INO80D: variants seen among roughly 807,000 people sequenced by gnomAD.
INO80D encodes INO80 complex subunit D.
INO80D carries 21 observed loss-of-function variants against 87.6 expected under a neutral mutation model. The observed-to-expected ratio is 0.24, with a 90% CI of 0.17 to 0.35. The LOEUF (loss-of-function observed/expected upper bound fraction) is 0.35. Ranked by LOEUF, INO80D falls within the 10% of genes least tolerant of loss-of-function variation. The pLI, the probability that INO80D is intolerant of heterozygous loss-of-function variation, is 1.00. For synonymous variants in INO80D, 440 were observed against 491.0 expected (o/e 0.90, Z 1.37); for missense variants, 982 against 1,280.7 (o/e 0.77, Z 3.56).
chr2:206,020,872 G>A (rs1179496556), intron 6 of INO80D, among the ~76,000 whole-genome samples: 6 of 151,846 alleles, frequency 4.0e-5, no homozygotes, highest in Non-Finnish European at 1.5e-5. Flanking sequence ...ATTCTTAGAA[G>A]TGGGCCAGGT....
In INO80D at chr2:205,999,328, G is replaced by C. The variant is rs1423758885; in HGVS notation, c.*5040C>G. ...TGGGCAGACGCAAGAAGGCGAAAGA[G>C]AAGATGGAAAGCTGTGCTGCCCTAT... On this transcript the variant is annotated 3_prime_UTR_variant, in exon 11 of 11. Transcript: ENST00000403263. The C allele has an allele frequency of 6.6e-6, 1 of 152,338 alleles. No individual in the cohort carries two copies. The highest frequency in any genetic ancestry group is 1.5e-5 in the Non-Finnish European group (1 of 68,126). The allele number at this position is 152,338 out of a possible 1,614,324, so 9.4% of individuals were successfully genotyped here. A position where few individuals can be genotyped will look rare whatever the true frequency, so the allele number is the denominator to read the frequency against.
intron 5 of INO80D, among the ~76,000 whole-genome samples, chr2:206,030,435 C>G (rs1477313678): frequency 6.6e-6 from 1 of 151,574 alleles, no homozygotes; most frequent in Non-Finnish European, 1.5e-5. Context: ...TGCACTCCAT[C>G]CTGGGTGACA....
At position 206,062,777 on chromosome 2, in the gene INO80D, G is replaced by C. The variant is rs1263121295; in HGVS notation, c.218+22C>G. On this transcript the variant is annotated intron_variant, in intron 3 of 10. Coordinates refer to ENST00000403263, the MANE Select transcript of INO80D (RefSeq NM_017759.5). The surrounding 1 kb of genome is among the most constrained non-coding windows in gnomAD (Gnocchi z 4.6). ...AAGCCTGTTAATGAAATCAAGGATT[G>C]ATTCTCATGATTAGCCCTTACCTAC... The C allele has an allele frequency of 6.4e-7, 1 of 1,567,084 alleles. No individual in the cohort carries two copies. The highest frequency in any genetic ancestry group is 1.4e-5 in the African/African-American group (1 of 72,856).
intron 4 of INO80D, among the ~76,000 whole-genome samples, chr2:206,047,856 A>ATT (rs1175389682): frequency 1.4e-5 from 2 of 139,440 alleles, no homozygotes; most frequent in Admixed American, 7.6e-5. Flanking sequence ...ATTTCTTTCA[A>ATT]TTTTTTTTTT....
chr2:206,046,467 CAA>C, intron 5 of INO80D, 35 bp downstream of exon 5: 6 of 1,108,238 alleles, frequency 5.4e-6, no homozygotes, highest in Non-Finnish European at 6.6e-6. Context: ...GACTCCGTCT[CAA>C]AAAAAAAAGA....
chr2:206,057,757 A>G (rs1480740377), intron 3 of INO80D, among the ~76,000 whole-genome samples: 1 of 152,114 alleles, frequency 6.6e-6, no homozygotes, highest in African/African-American at 2.4e-5. Context: ...ACAAATCACC[A>G]CTAAAGAACT....
chr2:206,010,346 G>C (rs1688138957), intron 8 of INO80D, among the ~76,000 whole-genome samples: 1 of 151,354 alleles, frequency 6.6e-6, no homozygotes, highest in Non-Finnish European at 1.5e-5. Flanking sequence ...TTCTATTGCT[G>C]AAGTACGTAG....
chr2:206,040,643 C>T (rs1387247259), intron 5 of INO80D: 5 of 229,916 alleles, frequency 2.2e-5, no homozygotes, highest in Non-Finnish European at 4.8e-5. Flanking sequence ...AAGATCGAGT[C>T]TTTTGTGAAG....
At chr2:206,023,088 C>G (rs1688509759) in intron 6 of INO80D, among the ~76,000 whole-genome samples, 1 of 152,072 alleles carries the variant, frequency 6.6e-6, no homozygotes, top group Non-Finnish European at 1.5e-5. Flanking sequence ...GTAATCCCAG[C>G]TACTTGGGAG....
chr2:206,072,973 GACT>G (rs1690014990), intron 1 of INO80D, among the ~76,000 whole-genome samples: 1 of 151,900 alleles, frequency 6.6e-6, no homozygotes, highest in Non-Finnish European at 1.5e-5. Context: ...AAGTAGCTGG[GACT>G]ACAGGCATTA....
At chr2:206,012,608 G>A (rs905079741) in intron 8 of INO80D, among the ~76,000 whole-genome samples, 5 of 152,112 alleles carry the variant, frequency 3.3e-5, no homozygotes, top group Admixed American at 6.6e-5. Context: ...GCTCAGGCCT[G>A]TAAGATCCCA....
intron 9 of INO80D, among the ~76,000 whole-genome samples, chr2:206,008,737 GCAA>G (rs1688092681): frequency 6.6e-6 from 1 of 152,100 alleles, no homozygotes; most frequent in Non-Finnish European, 1.5e-5. Context: ...GTATTAAGAG[GCAA>G]CAACAACTAC....
rs899059317 is a variant in INO80D at position 206,085,292 on chromosome 2, A to AG, written c.-124+608dup. ...GGCCTGGCCGTCCGGAGCGCGGAGG[A>AG]GGGGGATAAATAAATTCAACTCTTA... On this transcript the variant is annotated intron_variant, in intron 1 of 10. Transcript: ENST00000403263. The surrounding 1 kb of genome is among the most constrained non-coding windows in gnomAD (Gnocchi z 4.5). 1.5e-4 allele frequency among the ~76,000 whole-genome samples: 23 copies of AG among 148,788 alleles called. No individual in the cohort carries two copies. The highest frequency in any genetic ancestry group is 3.1e-4 in the Non-Finnish European group (21 of 66,972).
rs775325792 is a variant in INO80D at position 206,056,604 on chromosome 2, A to C, written c.558T>G (p.Ile186Met). ...QNRQRQRETEILKVRQEHFSP... is the reference protein window; with the variant it reads ...QNRQRQRETEMLKVRQEHFSP... Reference sequence around the variant, plus strand: ...TAAAGTGCTCTTGTCGAACTTTTAAAATCTCTGTCTCTCTCTGGCGCTGCC... The same window carrying C: ...TAAAGTGCTCTTGTCGAACTTTTAACATCTCTGTCTCTCTCTGGCGCTGCC... The change falls in exon 4 of 11, where the codon ATT (isoleucine) becomes ATG (methionine). Residue 186 changes from isoleucine (I) to methionine (M), a missense_variant. Coordinates refer to ENST00000403263, the MANE Select transcript of INO80D (RefSeq NM_017759.5). 7 of 1,610,406 alleles carry C rather than the reference A, an allele frequency of 4.3e-6. No individual in the cohort carries two copies. In the South Asian group the frequency reaches 7.7e-5, roughly 18 times the overall value.
rs964680823 is a variant in INO80D, at chr2:206,085,326, T to C, written c.-124+575A>G. Among the ~76,000 whole-genome samples the C allele has an allele frequency of 6.6e-6, 1 of 151,212 alleles. No individual in the cohort carries two copies. Among genetic ancestry groups the C allele is most frequent in the Non-Finnish European group, 1.5e-5 (1 of 67,730 alleles). On this transcript the variant is annotated intron_variant, in intron 1 of 10. Coordinates refer to ENST00000403263, the MANE Select transcript of INO80D (RefSeq NM_017759.5). This position sits in a 1 kb window ranked among gnomAD's most constrained non-coding sequence, Gnocchi z 4.5. Reference sequence around the variant, plus strand: ...AATAAATTCAACTCTTACCGGAATCTGGGGGCCGTCTGCGAGAGACCCGGG... The same window carrying C: ...AATAAATTCAACTCTTACCGGAATCCGGGGGCCGTCTGCGAGAGACCCGGG...
chr2:206,056,211 C>T lies in INO80D; in HGVS notation c.951G>A (p.Leu317=). 3 of 1,578,832 alleles carry T rather than the reference C, an allele frequency of 1.9e-6. No individual in the cohort carries two copies. Among genetic ancestry groups the T allele is most frequent in the Non-Finnish European group, 2.6e-6 (3 of 1,162,422 alleles). Residue 317 remains leucine, a synonymous_variant, in exon 4 of 11, where the codon CTG becomes CTA. Transcript: ENST00000403263. ...TAGATAACTCACCTAAATGGGGAAA[C>T]AGATCAGTGTCCAACTGATGTTTCT... ...CTQKHQLDTD[L]FPHLGLDWSE...
At position 206,005,473 on chromosome 2, in the gene INO80D, T is replaced by C; in HGVS notation, c.1979A>G (p.Gln660Arg). The C allele has an allele frequency of 6.2e-7, 1 of 1,613,910 alleles. No individual in the cohort carries two copies. Among genetic ancestry groups the C allele is most frequent in the Non-Finnish European group, 8.5e-7 (1 of 1,179,884 alleles). ...EEAEELERALQAVTSLECLST... is the reference protein window; with the variant it reads ...EEAEELERALRAVTSLECLST... ...CAGGCACTCGAGAGAAGTTACAGCC[T>C]GCAAGGCCCGTTCAAGCTCCTCAGC... The change falls in exon 11 of 11, where the codon CAG (glutamine) becomes CGG (arginine). Residue 660 changes from glutamine (Q) to arginine (R), a missense_variant. By Grantham distance (43) the Gln-to-Arg change is conservative (BLOSUM62 1). Coordinates refer to ENST00000403263, the MANE Select transcript of INO80D (RefSeq NM_017759.5).
At chr2:206,048,008 G>A (rs1211403053) in intron 4 of INO80D, among the ~76,000 whole-genome samples, 7 of 151,956 alleles carry the variant, frequency 4.6e-5, no homozygotes, top group Admixed American at 2.6e-4. Flanking sequence ...CCGCCACCGC[G>A]CCTGGCTAAT....
At chr2:206,055,500 G>GCTAT (rs1391777763) in intron 4 of INO80D, among the ~76,000 whole-genome samples, 1 of 152,136 alleles carries the variant, frequency 6.6e-6, no homozygotes, top group Non-Finnish European at 1.5e-5. Flanking sequence ...TATCAACAAT[G>GCTAT]CTATGATCAT....
Sources: gnomAD v4.1 joint callset for allele counts (sites outside exome capture counted in the v4.1 genomes callset) on GRCh38, gnomAD v4.1.1 for gene constraint, Gnocchi (gnomAD v3.1) non-coding constraint, MANE v1.5 for transcripts, NCBI Gene and HGNC (gene_info 2026-07-23, HGNC 2026-07-21) for gene names.